GBF1: variants seen among roughly 807,000 people sequenced by gnomAD.
GBF1 encodes the protein golgi brefeldin A resistant guanine nucleotide exchange factor 1, also known as Golgi-specific brefeldin A-resistance guanine nucleotide exchange factor 1.
A neutral mutation model predicts 210.5 loss-of-function variants in GBF1; 114 were observed. The ratio of observed to expected loss-of-function variants is 0.54; its 90% CI spans 0.47 to 0.63. GBF1 has a LOEUF of 0.63. Ranked by LOEUF, GBF1 falls within the 30% of genes least tolerant of loss-of-function variation. The pLI is 0.00. For synonymous variants in GBF1, 850 were observed against 889.2 expected, an observed-to-expected ratio of 0.96 and a Z score of 0.78; for missense variants, 1,851 against 2,357.7, an observed-to-expected ratio of 0.79 and a Z score of 4.45.
intron 3 of GBF1, among the ~76,000 whole-genome samples, chr10:102,339,825 A>T (rs1038019229): frequency 6.6e-6 from 1 of 151,820 alleles, no homozygotes; most frequent in African/African-American, 2.4e-5. Flanking sequence ...TTACTCTGTC[A>T]CCCCAGGCTG....
intron 38 of GBF1, 93 bp from the exon 39 acceptor site, chr10:102,381,034 C>T: frequency 3.3e-6 from 4 of 1,225,980 alleles, no homozygotes; most frequent in South Asian, 1.3e-5. Flanking sequence ...ATTGTCTGTG[C>T]CCTGGGTGGG....
intron 3 of GBF1, among the ~76,000 whole-genome samples, chr10:102,290,044 A>G (rs1387606391): frequency 1.3e-5 from 2 of 152,054 alleles, no homozygotes; most frequent in African/African-American, 4.8e-5. Context: ...CCAGGAGGTC[A>G]AGACTTCAAG....
intron 3 of GBF1, among the ~76,000 whole-genome samples, chr10:102,339,782 G>T (rs2058043933): frequency 6.6e-6 from 1 of 151,928 alleles, no homozygotes; most frequent in Non-Finnish European, 1.5e-5. Flanking sequence ...CAAAAATATG[G>T]CCAATTTAAT....
chr10:102,348,390 TA>T (rs1489437058), intron 4 of GBF1, among the ~76,000 whole-genome samples: 1 of 152,168 alleles, frequency 6.6e-6, no homozygotes, highest in African/African-American at 2.4e-5. Flanking sequence ...TTCAAAGTAA[TA>T]ATTTAAAAGA....
At chr10:102,361,312 A>G (rs924419860) in intron 13 of GBF1, 192 bp downstream of exon 13, 1 of 574,584 alleles carries the variant, frequency 1.7e-6, no homozygotes, top group African/African-American at 1.9e-5. Flanking sequence ...GACCAAAGGA[A>G]ACTGGCTGAC....
chr10:102,269,029 CT>C (rs1170647694), intron 3 of GBF1, among the ~76,000 whole-genome samples: 2 of 152,162 alleles, frequency 1.3e-5, no homozygotes, highest in East Asian at 3.8e-4. Context: ...GTTTAGGGGC[CT>C]TTATTCCTTT....
intron 3 of GBF1, among the ~76,000 whole-genome samples, chr10:102,288,747 A>C (rs1386014170): frequency 6.6e-6 from 1 of 151,176 alleles, no homozygotes; most frequent in Non-Finnish European, 1.5e-5. Context: ...AAAAAAAAAA[A>C]ACGAAATTAC....
chr10:102,305,781 G>A (rs530812414), intron 3 of GBF1, among the ~76,000 whole-genome samples: 3 of 152,304 alleles, frequency 2.0e-5, no homozygotes, highest in African/African-American at 7.2e-5. Context: ...CTCTCCTAAA[G>A]AGTCATTTCA....
the GBF1 span, chr10:102,232,176 T>G: frequency 5.2e-6 from 4 of 768,428 alleles, no homozygotes; most frequent in East Asian, 2.7e-5. Context: ...TCCTCGTAAA[T>G]TCCCTGGCGC....
intron 3 of GBF1, among the ~76,000 whole-genome samples, chr10:102,295,238 A>G (rs1438706152): frequency 1.3e-5 from 2 of 152,222 alleles, no homozygotes; most frequent in East Asian, 1.9e-4. Context: ...AAACTCAAAA[A>G]CTGTCAAGGG....
chr10:102,260,349 A>G (rs909585321), intron 3 of GBF1, among the ~76,000 whole-genome samples: 2 of 152,040 alleles, frequency 1.3e-5, no homozygotes, highest in Non-Finnish European at 2.9e-5. Context: ...TCATAGAGAC[A>G]GGGTCTTGCT....
At chr10:102,360,974 CA>C (rs375688888) in intron 12 of GBF1, 47 bp from the exon 13 acceptor site, 35,057 of 686,388 alleles carry the variant, frequency 0.051, 2 homozygotes, top group Middle Eastern at 0.13. Context: ...AACTCCGCCT[CA>C]AAAAAAAAAA....
At chr10:102,251,889 G>A (rs1477107209) in intron 1 of GBF1, among the ~76,000 whole-genome samples, 1 of 152,088 alleles carries the variant, frequency 6.6e-6, no homozygotes. Context: ...AAAGTGCTGT[G>A]GGTGGCCGGG....
chr10:102,334,094 A>G (rs190206007), intron 3 of GBF1, among the ~76,000 whole-genome samples: 7 of 152,326 alleles, frequency 4.6e-5, no homozygotes, highest in Admixed American at 4.6e-4. Context: ...ACATGGGCCA[A>G]TATTTGCAGG....
At chr10:102,314,048 G>C (rs911431107) in intron 3 of GBF1, among the ~76,000 whole-genome samples, 1 of 150,760 alleles carries the variant, frequency 6.6e-6, no homozygotes, top group Non-Finnish European at 1.5e-5. Context: ...TGCATGTAAA[G>C]TCAAAGAAGA....
At chr10:102,342,025 A>AT (rs1212335873) in intron 3 of GBF1, among the ~76,000 whole-genome samples, 1 of 148,072 alleles carries the variant, frequency 6.8e-6, no homozygotes, top group African/African-American at 2.5e-5. Flanking sequence ...ATGACTTTAC[A>AT]TTTTTTTATG....
At chr10:102,303,167 AG>A (rs1348882578) in intron 3 of GBF1, among the ~76,000 whole-genome samples, 1 of 151,660 alleles carries the variant, frequency 6.6e-6, no homozygotes, top group Non-Finnish European at 1.5e-5. Context: ...TTTGTATTTT[AG>A]GTAGAGATGG....
At chr10:102,354,315 G>A (rs552106545) in intron 8 of GBF1, among the ~76,000 whole-genome samples, 1 of 152,150 alleles carries the variant, frequency 6.6e-6, no homozygotes, top group South Asian at 2.1e-4. Context: ...TTCCCTGTTG[G>A]TATGTGTCTG....
intron 3 of GBF1, among the ~76,000 whole-genome samples, chr10:102,266,927 C>G (rs2073924661): frequency 1.3e-5 from 2 of 152,166 alleles, no homozygotes; most frequent in South Asian, 4.1e-4. Flanking sequence ...AGGGTACTGT[C>G]TGTCTCAAGC....
Sources: allele counts gnomAD v4.1 joint callset (sites outside exome capture counted in the v4.1 genomes callset), GRCh38; gene constraint gnomAD v4.1.1; transcripts MANE v1.5; gene names NCBI Gene and HGNC (gene_info 2026-07-23, HGNC 2026-07-21).